SRCIN1: variants seen among roughly 807,000 people sequenced by gnomAD.
SRCIN1 encodes the protein SRC kinase signaling inhibitor 1.
In SRCIN1, 50 loss-of-function variants were observed where a neutral mutation model predicts 116.2. That is an observed-to-expected ratio of 0.43 (90% CI 0.34 to 0.54). The LOEUF (loss-of-function observed/expected upper bound fraction) is 0.54, where lower values mean the gene tolerates loss of function less well. SRCIN1 is among the 20% of genes least tolerant of loss of function. The pLI is 0.02. For synonymous variants in SRCIN1, 736 were observed against 750.0 expected, an observed-to-expected ratio of 0.98 and a Z score of 0.30; for missense variants, 1,446 against 1,672.0, an observed-to-expected ratio of 0.86 and a Z score of 2.36.
chr17:38,596,027 G>A (rs145446097), intron 1 of SRCIN1, among the ~76,000 whole-genome samples: 911 of 152,332 alleles, frequency 6.0e-3, no homozygotes, highest in Middle Eastern at 0.01. Flanking sequence ...CTGGCAGGAG[G>A]AGGAATCGTG....
At chr17:38,550,516 AT>A (rs976973882) in intron 15 of SRCIN1, among the ~76,000 whole-genome samples, 1 of 151,590 alleles carries the variant, frequency 6.6e-6, no homozygotes, top group African/African-American at 2.4e-5. Context: ...TAAATAAAAA[AT>A]AAAAATAAAA....
rs117992174 is a variant in SRCIN1 at position 38,604,025 on chromosome 17, C to T, written c.22+1659G>A. ...CCACCATCACAGCTGCCACCAGTGG[C>T]GACAGCCTCACAATCTCCATCAAAT... On this transcript the variant is annotated intron_variant, in intron 1 of 18. Coordinates refer to ENST00000617146, the MANE Select transcript of SRCIN1 (RefSeq NM_025248.3). This position sits in a 1 kb window ranked among gnomAD's most constrained non-coding sequence, Gnocchi z 4.3. 3.9e-5 allele frequency among the ~76,000 whole-genome samples: 6 copies of T among 152,218 alleles called. No homozygotes were observed. Among genetic ancestry groups the T allele is most frequent in the Middle Eastern group, 3.4e-3 (1 of 294 alleles).
intron 18 of SRCIN1, among the ~76,000 whole-genome samples, chr17:38,540,361 T>C (rs1904650674): frequency 6.6e-6 from 1 of 152,206 alleles, no homozygotes; most frequent in Non-Finnish European, 1.5e-5. Flanking sequence ...CAAAGACAGC[T>C]TGGACTCACT....
intron 7 of SRCIN1, among the ~76,000 whole-genome samples, chr17:38,560,866 C>A (rs1019432618): frequency 5.3e-5 from 8 of 152,222 alleles, no homozygotes; most frequent in Non-Finnish European, 8.8e-5. Context: ...CACGTAAGAG[C>A]TGTGTGAAGG....
At chr17:38,548,887 T>C (rs987540434) in intron 16 of SRCIN1, among the ~76,000 whole-genome samples, 169 bp downstream of exon 16, 2 of 152,144 alleles carry the variant, frequency 1.3e-5, no homozygotes, top group Non-Finnish European at 1.5e-5. Flanking sequence ...CAAATACACA[T>C]ACCTAGAATC....
intron 17 of SRCIN1, among the ~76,000 whole-genome samples, chr17:38,547,025 C>G (rs1300234587): frequency 6.6e-6 from 1 of 152,218 alleles, no homozygotes; most frequent in East Asian, 1.9e-4. Flanking sequence ...AGCAGGTTCA[C>G]CCCCAAATTC....
intron 1 of SRCIN1, among the ~76,000 whole-genome samples, chr17:38,596,234 G>T (rs942657443): frequency 1.3e-5 from 2 of 152,204 alleles, no homozygotes; most frequent in African/African-American, 2.4e-5. Context: ...GGCTCCCAAA[G>T]TGGGCTAGGT....
At chr17:38,543,200 T>A (rs558302512) in intron 18 of SRCIN1, 1 of 456,688 alleles carries the variant, frequency 2.2e-6, no homozygotes, top group South Asian at 1.5e-5. Context: ...AGGGCCAAAG[T>A]GCCTCGCCCT....
chr17:38,596,331 C>T (rs1013826491), intron 1 of SRCIN1, among the ~76,000 whole-genome samples: 8 of 152,114 alleles, frequency 5.3e-5, no homozygotes, highest in Non-Finnish European at 1.2e-4. Flanking sequence ...CCTTTGGGGC[C>T]CCCCAGGGCA....
chr17:38,586,218 C>T (rs930794358), intron 1 of SRCIN1, among the ~76,000 whole-genome samples: 12 of 152,214 alleles, frequency 7.9e-5, no homozygotes, highest in African/African-American at 2.7e-4. Context: ...GCCAGCTCCC[C>T]TCCCCACCAA....
At chr17:38,606,289 C>T (rs28736303), upstream of SRCIN1, among the ~76,000 whole-genome samples, 279 of 151,820 alleles carry the variant, frequency 1.8e-3, no homozygotes, top group African/African-American at 6.4e-3. The surrounding 1 kb of genome is among the most constrained non-coding windows in gnomAD (Gnocchi z 5.2). Context: ...GGGTGGAGGA[C>T]TCCTGGGTCT....
chr17:38,576,034 T>C (rs1907399151), intron 2 of SRCIN1, among the ~76,000 whole-genome samples: 1 of 152,162 alleles, frequency 6.6e-6, no homozygotes, highest in Non-Finnish European at 1.5e-5. Flanking sequence ...GGCTGGGCTT[T>C]GATTCATTTC....
rs1331846596 is a variant in SRCIN1 at position 38,602,249 on chromosome 17, T to A, written c.22+3435A>T. 1 of 151,846 alleles carries A rather than the reference T, an allele frequency of 6.6e-6. No individual in the cohort carries two copies. The allele number at this position is 151,846 out of a possible 1,614,324, so 9.4% of individuals were successfully genotyped here. ...GGGCAGGCACTGCTTCCCAGCCAAA[T>A]CCGAAGCCTTCATCTCCGCTACTCA... On this transcript the variant is annotated intron_variant, in intron 1 of 18. Coordinates refer to ENST00000617146, the MANE Select transcript of SRCIN1 (RefSeq NM_025248.3). The surrounding 1 kb of genome is among the most constrained non-coding windows in gnomAD (Gnocchi z 4.2).
chr17:38,567,873 T>C (rs1906825067), intron 3 of SRCIN1, among the ~76,000 whole-genome samples: 1 of 152,104 alleles, frequency 6.6e-6, no homozygotes, highest in Non-Finnish European at 1.5e-5. Flanking sequence ...AGGGTCTAAG[T>C]CCCTAACTCA....
chr17:38,542,716 A>G (rs543680423), intron 18 of SRCIN1: 107 of 198,452 alleles, frequency 5.4e-4, no homozygotes, highest in Non-Finnish European at 7.9e-4. Flanking sequence ...CAGTGCAGGG[A>G]AGGGTTCCAA....
upstream of SRCIN1, among the ~76,000 whole-genome samples, chr17:38,606,691 C>T (rs984887542): frequency 6.6e-6 from 1 of 152,228 alleles, no homozygotes; most frequent in Non-Finnish European, 1.5e-5. This position sits in a 1 kb window ranked among gnomAD's most constrained non-coding sequence, Gnocchi z 5.2. Flanking sequence ...TCTACTTCAG[C>T]CCGCAGAGCA....
In SRCIN1 at chr17:38,552,319, G is replaced by T; in HGVS notation, c.2480+128C>A. ...CAGCATGCAGGGGTCACAGGGCAGAGCTGAGGTGCCAGTCCAGTCGGCACG... is the reference window on the plus strand; with the variant it reads ...CAGCATGCAGGGGTCACAGGGCAGATCTGAGGTGCCAGTCCAGTCGGCACG... On this transcript the variant is annotated intron_variant, in intron 13 of 18. Transcript: ENST00000617146. The surrounding 1 kb of genome is among the most constrained non-coding windows in gnomAD (Gnocchi z 5.3). 1.4e-6 allele frequency: 2 copies of T among 1,430,830 alleles called. No individual in the cohort carries two copies. Among genetic ancestry groups the T allele is most frequent in the African/African-American group, 1.4e-5 (1 of 69,640 alleles). The allele number at this position is 1,430,830 out of a possible 1,614,324, so 88.6% of individuals were successfully genotyped here. A position where few individuals can be genotyped will look rare whatever the true frequency, so the allele number is the denominator to read the frequency against.
chr17:38,601,961 GACGA>G (rs2143471513), intron 1 of SRCIN1, among the ~76,000 whole-genome samples: 1 of 152,246 alleles, frequency 6.6e-6, no homozygotes, highest in South Asian at 2.1e-4. Context: ...AGGAGAAATT[GACGA>G]ACAGGGAGCG....
In SRCIN1 at chr17:38,566,838, GTGTTT is replaced by G. The variant is rs71138632; in HGVS notation, c.345+1368_345+1372del. ...CACTGCCTGGAACATGCATCCTCTCGTGTTTTGTTTTGTTTTGTTTTGTTTCGTTT... is the reference window on the plus strand; with the variant it reads ...CACTGCCTGGAACATGCATCCTCTCGTGTTTTGTTTTGTTTTGTTTCGTTT... On this transcript the variant is annotated intron_variant, in intron 3 of 18. Coordinates refer to ENST00000617146, the MANE Select transcript of SRCIN1 (RefSeq NM_025248.3). 8.3e-4 allele frequency among the ~76,000 whole-genome samples: 122 copies of G among 147,558 alleles called. 13 individuals are homozygous for G. Among genetic ancestry groups the G allele is most frequent in the Middle Eastern group, 3.5e-3 (1 of 288 alleles).
Sources: allele counts gnomAD v4.1 joint callset (sites outside exome capture counted in the v4.1 genomes callset), GRCh38; gene constraint gnomAD v4.1.1; non-coding constraint Gnocchi (gnomAD v3.1); transcripts MANE v1.5; gene names NCBI Gene and HGNC (gene_info 2026-07-23, HGNC 2026-07-21).